OPCML: variants seen among roughly 807,000 people sequenced by gnomAD.
The protein encoded by OPCML is opioid-binding protein/cell adhesion molecule.
OPCML carries 13 observed loss-of-function variants against 37.8 expected under a neutral mutation model. The ratio of observed to expected loss-of-function variants is 0.34; its 90% CI spans 0.22 to 0.55. The LOEUF is 0.55. Ranked by LOEUF, OPCML falls within the 20% of genes least tolerant of loss-of-function variation. The pLI, the probability that OPCML is intolerant of heterozygous loss-of-function variation, is 0.91. For missense variants in OPCML, 341 were observed against 435.6 expected, an observed-to-expected ratio of 0.78 and a Z score of 1.93; for synonymous variants, 176 against 168.8, an observed-to-expected ratio of 1.04 and a Z score of -0.33.
chr11:133,442,118 T>C (rs1946377003), intron 1 of OPCML, among the ~76,000 whole-genome samples: 1 of 152,178 alleles, frequency 6.6e-6, no homozygotes. Context: ...AAAGGAGACG[T>C]TGCCTAGAGA....
intron 1 of OPCML, among the ~76,000 whole-genome samples, chr11:133,417,212 G>T (rs57110167): frequency 6.6e-6 from 1 of 152,056 alleles, no homozygotes; most frequent in Non-Finnish European, 1.5e-5. Context: ...TAATTGAGCC[G>T]TAGGAGGGGG....
chr11:133,186,426 G>T (rs1274641100), intron 1 of OPCML, among the ~76,000 whole-genome samples: 3 of 151,290 alleles, frequency 2.0e-5, no homozygotes, highest in African/African-American at 7.3e-5. Flanking sequence ...GCCCATAGCT[G>T]CCTCTGCTGG....
intron 1 of OPCML, among the ~76,000 whole-genome samples, chr11:133,530,145 G>C (rs566536320): frequency 6.6e-6 from 1 of 152,180 alleles, no homozygotes; most frequent in Non-Finnish European, 1.5e-5. Flanking sequence ...TGCTCAGGAC[G>C]GTCAGGCAGG....
At position 132,578,449 on chromosome 11, in the gene OPCML, G is replaced by A. The variant is rs559420212; in HGVS notation, c.380-49263C>T. ...ATTGAAAAATAAAAAATAACCCTTG[G>A]TTCCTTCTTAAGTCCTAATGCTAAC... On this transcript the variant is annotated intron_variant, in intron 3 of 7. Coordinates refer to ENST00000524381, the MANE Select transcript of OPCML (RefSeq NM_001012393.5). 5.3e-5 allele frequency among the ~76,000 whole-genome samples: 8 copies of A among 152,196 alleles called. No individual in the cohort carries two copies. In the East Asian group the frequency reaches 1.4e-3, roughly 26 times the overall value.
intron 1 of OPCML, among the ~76,000 whole-genome samples, chr11:133,525,160 C>T (rs970309707): frequency 3.9e-5 from 6 of 152,090 alleles, no homozygotes; most frequent in African/African-American, 9.7e-5. Context: ...AGTCTGGTTC[C>T]GAGGACTTGC....
At chr11:133,216,494 T>A (rs1939591526) in intron 1 of OPCML, among the ~76,000 whole-genome samples, 1 of 152,234 alleles carries the variant, frequency 6.6e-6, no homozygotes, top group African/African-American at 2.4e-5. Flanking sequence ...ATTCTTCAGC[T>A]GGTTGTGGTC....
At chr11:132,906,453 G>T (rs1415924115) in intron 2 of OPCML, among the ~76,000 whole-genome samples, 2 of 152,248 alleles carry the variant, frequency 1.3e-5, no homozygotes, top group East Asian at 3.9e-4. Flanking sequence ...TGGTTTTCTG[G>T]GGGATCTCTG....
intron 3 of OPCML, among the ~76,000 whole-genome samples, chr11:132,641,238 A>T (rs901637593): frequency 2.0e-5 from 3 of 152,090 alleles, no homozygotes; most frequent in Admixed American, 6.5e-5. Flanking sequence ...TCCTGAACAT[A>T]TATGTTCCTT....
At chr11:132,578,606 A>G (rs537391402) in intron 3 of OPCML, among the ~76,000 whole-genome samples, 13 of 152,308 alleles carry the variant, frequency 8.5e-5, no homozygotes, top group Non-Finnish European at 1.5e-4. Flanking sequence ...TAAACAGTTC[A>G]CTAAGCTTAC....
intron 1 of OPCML, among the ~76,000 whole-genome samples, chr11:132,953,207 A>G (rs899919758): frequency 6.6e-6 from 1 of 152,014 alleles, no homozygotes; most frequent in African/African-American, 2.4e-5. Flanking sequence ...CTCATCCCTG[A>G]TTCCTCTGCT....
chr11:133,475,211 G>T (rs930327716), intron 1 of OPCML, among the ~76,000 whole-genome samples: 21 of 125,672 alleles, frequency 1.7e-4, no homozygotes, highest in African/African-American at 7.7e-4. Context: ...TGTTTTTGTG[G>T]TTTTTTTTTG....
intron 1 of OPCML, among the ~76,000 whole-genome samples, chr11:133,367,252 C>G (rs1395518247): frequency 6.6e-6 from 1 of 152,200 alleles, no homozygotes; most frequent in Non-Finnish European, 1.5e-5. Context: ...GCTGGGATTA[C>G]AGGCGTGAGC....
At chr11:133,007,204 C>A in intron 1 of OPCML, 1 of 985,366 alleles carries the variant, frequency 1.0e-6, no homozygotes, top group Non-Finnish European at 1.2e-6. Flanking sequence ...CACAGTACAA[C>A]CTATTTTAGG....
chr11:133,477,039 C>G (rs913387835), intron 1 of OPCML, among the ~76,000 whole-genome samples: 1 of 152,292 alleles, frequency 6.6e-6, no homozygotes, highest in East Asian at 1.9e-4. Flanking sequence ...CACAGCTTAA[C>G]TGCGCACAAC....
rs1019382356 is a variant in OPCML, at chr11:133,272,657, G to A, written c.61+259607C>T. The stretch of plus-strand genomic sequence containing the variant: ...AAAGGGGCAGGAGGAGGTGGATTGA[G>A]GGTGGTGGACAAGGCAGGCCTGCAC... On this transcript the variant is annotated intron_variant, in intron 1 of 7. Transcript: ENST00000524381. Among the ~76,000 whole-genome samples the A allele has an allele frequency of 2.0e-5, 3 of 152,204 alleles. No homozygotes were observed. In the East Asian group the frequency reaches 5.8e-4, roughly 29 times the overall value.
At chr11:132,712,686 T>A (rs1210826489) in intron 2 of OPCML, among the ~76,000 whole-genome samples, 1 of 152,164 alleles carries the variant, frequency 6.6e-6, no homozygotes, top group Non-Finnish European at 1.5e-5. Context: ...AATTCATCTC[T>A]GAGCTGCCGC....
chr11:133,328,821 A>C (rs1241773637), intron 1 of OPCML, among the ~76,000 whole-genome samples: 1 of 152,180 alleles, frequency 6.6e-6, no homozygotes, highest in Admixed American at 6.5e-5. Context: ...TAGTGTCGGA[A>C]GTTCTGGCCA....
chr11:132,881,858 T>C (rs773765351), intron 2 of OPCML, among the ~76,000 whole-genome samples: 3 of 152,216 alleles, frequency 2.0e-5, no homozygotes, highest in Non-Finnish European at 2.9e-5. Flanking sequence ...GCTACCACAT[T>C]TCCCCCTTCT....
At chr11:132,441,778 G>A (rs2096036437) in intron 4 of OPCML, among the ~76,000 whole-genome samples, 1 of 152,214 alleles carries the variant, frequency 6.6e-6, no homozygotes, top group African/African-American at 2.4e-5. Flanking sequence ...AAATACAAAT[G>A]AGGCCATTCA....
Sources: gnomAD v4.1 joint callset for allele counts (sites outside exome capture counted in the v4.1 genomes callset) on GRCh38, gnomAD v4.1.1 for gene constraint, MANE v1.5 for transcripts, NCBI Gene and HGNC (gene_info 2026-07-23, HGNC 2026-07-21) for gene names.